Variants in RORA observed in about 807,000 individuals in gnomAD.
RORA encodes nuclear receptor ROR-alpha.
RORA carries 7 observed loss-of-function variants against 69.5 expected under a neutral mutation model. The ratio of observed to expected loss-of-function variants is 0.10; its 90% CI spans 0.06 to 0.19. The LOEUF is 0.19. Ranked by LOEUF, RORA falls within the 10% of genes least tolerant of loss-of-function variation. RORA has a pLI of 1.00. For missense variants in RORA, 457 were observed against 663.0 expected (o/e 0.69, Z 3.41); for synonymous variants, 261 against 240.8 (o/e 1.08, Z -0.78).
intron 2 of RORA, among the ~76,000 whole-genome samples, chr15:60,553,884 C>T (rs1336949850): frequency 6.6e-6 from 1 of 152,166 alleles, no homozygotes; most frequent in Non-Finnish European, 1.5e-5. Flanking sequence ...GTCACTTCTC[C>T]ATAAGTTTAT....
chr15:60,987,029 A>T (rs1281831466), intron 1 of RORA, among the ~76,000 whole-genome samples: 4 of 152,226 alleles, frequency 2.6e-5, no homozygotes, highest in African/African-American at 9.6e-5. Context: ...ATGTCCAGTA[A>T]TGCCAAACAT....
intron 2 of RORA, among the ~76,000 whole-genome samples, chr15:60,648,604 C>A (rs2070093991): frequency 6.6e-6 from 1 of 152,198 alleles, no homozygotes. Context: ...CAGAGAAGTA[C>A]AAATATGTTG....
chr15:60,901,061 T>C (rs1891378185), intron 1 of RORA, among the ~76,000 whole-genome samples: 1 of 152,198 alleles, frequency 6.6e-6, no homozygotes, highest in South Asian at 2.1e-4. Flanking sequence ...AAATTATGCC[T>C]ATATGTAGAA....
intron 1 of RORA, among the ~76,000 whole-genome samples, chr15:60,774,131 C>T (rs1354481714): frequency 2.0e-5 from 3 of 152,288 alleles, no homozygotes; most frequent in South Asian, 4.1e-4. Flanking sequence ...GAGGACCTGG[C>T]GGACACCCAC....
At chr15:61,138,656 G>C (rs2079267394) in intron 1 of RORA, among the ~76,000 whole-genome samples, 1 of 152,092 alleles carries the variant, frequency 6.6e-6, no homozygotes, top group Non-Finnish European at 1.5e-5. Flanking sequence ...TAGAGATACA[G>C]GGAGGGCCTT....
At chr15:61,178,010 G>C (rs1405416382) in intron 1 of RORA, among the ~76,000 whole-genome samples, 1 of 151,332 alleles carries the variant, frequency 6.6e-6, no homozygotes, top group Admixed American at 6.6e-5. Context: ...AAGAAGGAAA[G>C]AAGGCCAAAG....
intron 1 of RORA, among the ~76,000 whole-genome samples, chr15:60,977,139 C>T (rs147655289): frequency 4.2e-4 from 62 of 148,440 alleles, no homozygotes; most frequent in Admixed American, 9.4e-4. Flanking sequence ...AAACCTATAG[C>T]GCCACCAACA....
chr15:60,635,229 T>G (rs970797348), intron 2 of RORA, among the ~76,000 whole-genome samples: 6 of 152,226 alleles, frequency 3.9e-5, no homozygotes, highest in Admixed American at 3.3e-4. Flanking sequence ...TTTCTCTTCC[T>G]AACCTCCAAA....
At chr15:60,724,088 C>T (rs1164981354) in intron 1 of RORA, among the ~76,000 whole-genome samples, 2 of 152,130 alleles carry the variant, frequency 1.3e-5, no homozygotes, top group Admixed American at 6.5e-5. Context: ...CCTTTGTTTT[C>T]TTTCCACCCG....
At chr15:60,963,142 A>G (rs908459433) in intron 1 of RORA, among the ~76,000 whole-genome samples, 1 of 152,250 alleles carries the variant, frequency 6.6e-6, no homozygotes, top group Non-Finnish European at 1.5e-5. Context: ...TGAGGCAGAT[A>G]TGACTATCCC....
intron 2 of RORA, chr15:60,593,167 G>A: frequency 3.3e-6 from 1 of 300,532 alleles, no homozygotes; most frequent in Non-Finnish European, 6.6e-6. Flanking sequence ...CCAACCCTTG[G>A]CAACCCTTGG....
At chr15:61,195,371 T>A (rs1179030386) in intron 1 of RORA, among the ~76,000 whole-genome samples, 2 of 151,934 alleles carry the variant, frequency 1.3e-5, no homozygotes, top group Non-Finnish European at 2.9e-5. Context: ...TCTGCAGGTC[T>A]AGCCAGAGCT....
intron 1 of RORA, among the ~76,000 whole-genome samples, chr15:60,836,009 C>T (rs1033574672): frequency 2.6e-5 from 4 of 152,222 alleles, no homozygotes; most frequent in Non-Finnish European, 4.4e-5. Flanking sequence ...CGATCACTTA[C>T]TTACTTCATT....
chr15:61,017,296 A>C (rs1895329167), intron 1 of RORA, among the ~76,000 whole-genome samples: 1 of 152,248 alleles, frequency 6.6e-6, no homozygotes, highest in African/African-American at 2.4e-5. Flanking sequence ...TTTGCTGTCA[A>C]CGGTACTTGG....
At chr15:60,674,996 G>C (rs764831481) in intron 2 of RORA, among the ~76,000 whole-genome samples, 1 of 152,172 alleles carries the variant, frequency 6.6e-6, no homozygotes, top group Non-Finnish European at 1.5e-5. Flanking sequence ...TTTTGGGTCT[G>C]TGTTGTGGTG....
chr15:61,037,760 G>A (rs1439442008), intron 1 of RORA, among the ~76,000 whole-genome samples: 1 of 152,210 alleles, frequency 6.6e-6, no homozygotes, highest in East Asian at 1.9e-4. Context: ...AGAGATACAA[G>A]TAATTGTAAG....
intron 1 of RORA, among the ~76,000 whole-genome samples, chr15:60,891,986 A>C (rs942642244): frequency 5.3e-5 from 8 of 152,188 alleles, no homozygotes; most frequent in African/African-American, 1.7e-4. Context: ...AAGATGACAA[A>C]GAAGTTTCAT....
chr15:60,573,791 T>C (rs549919430), intron 2 of RORA, among the ~76,000 whole-genome samples: 50 of 152,360 alleles, frequency 3.3e-4, no homozygotes, highest in Admixed American at 6.5e-4. Context: ...TGATTTGTGC[T>C]CCTCCTCTGT....
chr15:60,741,283 T>G (rs1456312058), intron 1 of RORA, among the ~76,000 whole-genome samples: 1 of 152,206 alleles, frequency 6.6e-6, no homozygotes. Context: ...TAATATGACC[T>G]TCAGGCTTTC....
Sources: allele counts gnomAD v4.1 joint callset (sites outside exome capture counted in the v4.1 genomes callset), GRCh38; gene constraint gnomAD v4.1.1; transcripts MANE v1.5; gene names NCBI Gene and HGNC (gene_info 2026-07-23, HGNC 2026-07-21).